The following SLC18B1 variants were observed in gnomAD, a reference collection of about 807,000 sequenced individuals.
SLC18B1 encodes MFS-type transporter SLC18B1.
Under a neutral mutation model 53.9 loss-of-function variants are expected in SLC18B1, and 62 were observed. The observed-to-expected ratio is 1.15, with a 90% CI of 0.94 to 1.42. The LOEUF is 1.42. Among genes scored for constraint, SLC18B1 ranks in the 40% most tolerant of loss-of-function variants. The probability of loss-of-function intolerance (pLI) is 0.00; values close to 1 mark genes in which losing one functional copy is unlikely to be tolerated. For missense variants in SLC18B1, 598 were observed against 547.3 expected (o/e 1.09, Z -0.93); for synonymous variants, 217 against 200.9 (o/e 1.08, Z -0.68).
intron 4 of SLC18B1, among the ~76,000 whole-genome samples, chr6:132,788,978 A>C (rs998682275): frequency 2.0e-5 from 3 of 151,938 alleles, no homozygotes; most frequent in African/African-American, 4.8e-5. Flanking sequence ...CTTCCAAAAA[A>C]ATTTTAACCC....
rs752174502 is a variant in SLC18B1, at chr6:132,797,100, G to T, written c.65C>A (p.Ala22Glu). The T allele has an allele frequency of 5.0e-6, 8 of 1,613,806 alleles. No homozygotes were observed. Among genetic ancestry groups the T allele is most frequent in the South Asian group, 2.2e-5 (2 of 90,998 alleles). The change falls in exon 2 of 14, where the codon GCA becomes GAA. Residue 22 changes from alanine to glutamate, a missense_variant. Transcript: ENST00000275227. The part of the protein sequence containing the change: ...APGGDDPAGS[A>E]GETPGWLSRE... Reference sequence around the variant, plus strand: ...CGAAAGCCACCCGGGGGTCTCTCCTGCACTTCCTGCAGGATCATCACCTTG... The same window carrying T: ...CGAAAGCCACCCGGGGGTCTCTCCTTCACTTCCTGCAGGATCATCACCTTG...
At chr6:132,785,301 T>G (rs186607468) in intron 5 of SLC18B1, among the ~76,000 whole-genome samples, 1 of 152,362 alleles carries the variant, frequency 6.6e-6, no homozygotes, top group African/African-American at 2.4e-5. Context: ...ATTTACTATA[T>G]TCTATGTTCC....
At chr6:132,770,368 A>T in intron 13 of SLC18B1, 32 bp from the exon 14 acceptor site, 1 of 1,536,252 alleles carries the variant, frequency 6.5e-7, no homozygotes. Flanking sequence ...ATGAATCTCA[A>T]TATTTCTCAT....
chr6:132,791,364 T>C (rs1034195614), intron 2 of SLC18B1, among the ~76,000 whole-genome samples: 11 of 152,226 alleles, frequency 7.2e-5, no homozygotes, highest in African/African-American at 2.7e-4. Context: ...CCATTCTCTA[T>C]AACCATGATT....
At chr6:132,779,547 A>G in intron 6 of SLC18B1, 143 bp from the exon 7 acceptor site, 1 of 814,400 alleles carries the variant, frequency 1.2e-6, no homozygotes, top group Non-Finnish European at 1.9e-6. Flanking sequence ...ATTGTATACC[A>G]TCTATACTTG....
At position 132,771,732 on chromosome 6, in the gene SLC18B1, G is replaced by A. The variant is rs139902480; in HGVS notation, c.1160+400C>T. Among the ~76,000 whole-genome samples the A allele has an allele frequency of 5.8e-3, 885 of 152,290 alleles. 4 individuals carry two copies. Among genetic ancestry groups the A allele is most frequent in the Middle Eastern group, 0.014 (4 of 294 alleles). On this transcript the variant is annotated intron_variant, in intron 11 of 13. Coordinates refer to ENST00000275227, the MANE Select transcript of SLC18B1 (RefSeq NM_052831.3). ...TGAGAAACTCATCTGATCCCTCAGT[G>A]TTTCAATTTCTTCATCAACATCAAG...
intron 6 of SLC18B1, among the ~76,000 whole-genome samples, chr6:132,783,253 T>C (rs1368384710): frequency 6.6e-6 from 1 of 152,106 alleles, no homozygotes; most frequent in African/African-American, 2.4e-5. Flanking sequence ...CTCAGCTCAC[T>C]GCAACCTCCA....
chr6:132,790,361 T>A, intron 2 of SLC18B1, 89 bp from the exon 3 acceptor site: 1 of 876,824 alleles, frequency 1.1e-6, no homozygotes, highest in East Asian at 2.8e-5. Context: ...CATCATCTTC[T>A]TGTGAACTTT....
intron 5 of SLC18B1, among the ~76,000 whole-genome samples, chr6:132,785,913 A>AG (rs1161176845): frequency 6.6e-6 from 1 of 150,908 alleles, no homozygotes; most frequent in Non-Finnish European, 1.5e-5. Flanking sequence ...AAAAAAAAAA[A>AG]AAAGAAAGAA....
At chr6:132,778,614 T>C (rs6917833) in intron 7 of SLC18B1, among the ~76,000 whole-genome samples, 85,855 of 151,962 alleles carry the variant, frequency 0.56, 26,156 homozygotes, top group African/African-American at 0.8. Flanking sequence ...CATTATGGGT[T>C]GAAGTTAGTC....
In SLC18B1 at chr6:132,798,249, C is replaced by G. The variant is rs1309452304; in HGVS notation, c.43+165G>C. On this transcript the variant is annotated intron_variant, in intron 1 of 13. Transcript: ENST00000275227. Reference sequence around the variant, plus strand: ...CATATCCAATCCTGGAACTTTACCCCGTCCAGAGAGAAAAGAAACGCTGGC... The same window carrying G: ...CATATCCAATCCTGGAACTTTACCCGGTCCAGAGAGAAAAGAAACGCTGGC... Among the ~76,000 whole-genome samples the G allele has an allele frequency of 2.0e-5, 3 of 152,202 alleles. No individual in the cohort carries two copies. In the East Asian group the frequency reaches 5.8e-4, roughly 29 times the overall value.
intron 5 of SLC18B1, among the ~76,000 whole-genome samples, chr6:132,786,773 G>A (rs1321420098): frequency 6.6e-6 from 1 of 152,076 alleles, no homozygotes; most frequent in Non-Finnish European, 1.5e-5. Context: ...GAGAGAGAGA[G>A]AGCTACGAGG....
At chr6:132,774,375 A>C in intron 8 of SLC18B1, 62 bp from the exon 9 acceptor site, 1 of 1,266,450 alleles carries the variant, frequency 7.9e-7, no homozygotes, top group Non-Finnish European at 1.1e-6. Flanking sequence ...ATAATCAAAC[A>C]ACGTAAAACA....
At chr6:132,770,997 A>T (rs1294348834) in intron 12 of SLC18B1, 39 bp downstream of exon 12, 2 of 1,610,138 alleles carry the variant, frequency 1.2e-6, no homozygotes, top group African/African-American at 2.7e-5. Context: ...GTTTTTCCAC[A>T]AATATAAGGA....
intron 5 of SLC18B1, among the ~76,000 whole-genome samples, chr6:132,784,845 G>A (rs1781328579): frequency 6.6e-6 from 1 of 152,078 alleles, no homozygotes; most frequent in Non-Finnish European, 1.5e-5. Context: ...AAGTAAACCA[G>A]GTTATATCCA....
chr6:132,772,131 C>A lies in SLC18B1; in HGVS notation c.1160+1G>T. ...AAGAAAGAAATTAAATGACTACTCACCCAATTGACCACATTGCACTAAAAA... is the reference window on the plus strand; with the variant it reads ...AAGAAAGAAATTAAATGACTACTCAACCAATTGACCACATTGCACTAAAAA... On this transcript the variant is annotated splice_donor_variant, in intron 11 of 13. Coordinates refer to ENST00000275227, the MANE Select transcript of SLC18B1 (RefSeq NM_052831.3). LOFTEE classifies it high-confidence loss of function. The A allele has an allele frequency of 1.9e-6, 3 of 1,557,752 alleles. No individual in the cohort carries two copies. The highest frequency in any genetic ancestry group is 2.1e-5 in the Admixed American group (1 of 48,166).
chr6:132,789,559 C>T (rs747872207), intron 4 of SLC18B1: 11 of 472,536 alleles, frequency 2.3e-5, no homozygotes, highest in Admixed American at 1.0e-4. Flanking sequence ...GCAAGCATCA[C>T]GGAGATCCCC....
At chr6:132,786,612 T>C (rs143305414) in intron 5 of SLC18B1, among the ~76,000 whole-genome samples, 1 of 151,126 alleles carries the variant, frequency 6.6e-6, no homozygotes, top group African/African-American at 2.4e-5. Context: ...ACAAAGGGTT[T>C]ATCTGATGGT....
chr6:132,776,543 T>C, intron 7 of SLC18B1, 114 bp from the exon 8 acceptor site: 1 of 712,012 alleles, frequency 1.4e-6, no homozygotes, highest in South Asian at 2.0e-5. Flanking sequence ...ACTAATAATA[T>C]TCTGCATTTT....
Sources: allele counts gnomAD v4.1 joint callset (sites outside exome capture counted in the v4.1 genomes callset), GRCh38; gene constraint gnomAD v4.1.1; transcripts MANE v1.5; gene names NCBI Gene and HGNC (gene_info 2026-07-23, HGNC 2026-07-21).